The following STX18 variants were observed in gnomAD, a reference collection of about 807,000 sequenced individuals.
STX18 encodes the protein syntaxin-18.
STX18 carries 40 observed loss-of-function variants against 50.1 expected under a neutral mutation model. The ratio of observed to expected loss-of-function variants is 0.80; its 90% CI spans 0.62 to 1.04. The LOEUF is 1.04. STX18 is among the 50% of genes least tolerant of loss of function. STX18 has a pLI of 0.00. For synonymous variants in STX18, 158 were observed against 151.8 expected, an observed-to-expected ratio of 1.04 and a Z score of -0.30; for missense variants, 410 against 415.8, an observed-to-expected ratio of 0.99 and a Z score of 0.12.
intron 1 of STX18, among the ~76,000 whole-genome samples, chr4:4,519,388 C>T (rs142915994): frequency 1.6e-3 from 247 of 152,210 alleles, no homozygotes; most frequent in African/African-American, 5.4e-3. Context: ...ATCAATCTAT[C>T]TAAAGCTACT....
At chr4:4,517,779 TTTA>T (rs1467690830) in intron 1 of STX18, among the ~76,000 whole-genome samples, 1 of 150,950 alleles carries the variant, frequency 6.6e-6, no homozygotes, top group Admixed American at 6.6e-5. Flanking sequence ...TTTTTTTTTC[TTTA>T]TTTTTTTTTT....
chr4:4,446,754 C>G (rs955038417), intron 5 of STX18, among the ~76,000 whole-genome samples: 4 of 131,746 alleles, frequency 3.0e-5, no homozygotes, highest in Admixed American at 2.9e-4. Flanking sequence ...CTTACTAAGT[C>G]TAAGAAACAT....
At chr4:4,530,371 T>A (rs1000030408) in intron 1 of STX18, among the ~76,000 whole-genome samples, 4 of 150,768 alleles carry the variant, frequency 2.7e-5, no homozygotes, top group African/African-American at 9.7e-5. Context: ...CATAATAATA[T>A]AAGCATATAT....
chr4:4,515,814 T>C (rs1376700070), intron 1 of STX18, among the ~76,000 whole-genome samples: 4 of 152,170 alleles, frequency 2.6e-5, no homozygotes, highest in Admixed American at 2.0e-4. Context: ...AAAAAAATAC[T>C]ACTCACTGGT....
chr4:4,507,654 G>A (rs994670759), intron 1 of STX18: 19 of 780,510 alleles, frequency 2.4e-5, no homozygotes, highest in African/African-American at 1.5e-4. Context: ...GATGGCAGCC[G>A]GCTCATAAAG....
At chr4:4,487,605 G>C (rs1015672615) in intron 1 of STX18, among the ~76,000 whole-genome samples, 1 of 152,162 alleles carries the variant, frequency 6.6e-6, no homozygotes, top group African/African-American at 2.4e-5. Context: ...ATAAAACTCA[G>C]TGAAGAACGA....
At position 4,507,239 on chromosome 4, in the gene STX18, A is replaced by G. The variant is rs1219584704; in HGVS notation, c.168+34558T>C. The stretch of plus-strand genomic sequence containing the variant: ...GCAATTATGAGGGTAAACAACCCAT[A>G]CTTTACAGTGTACTATAAAGAGTCC... On this transcript the variant is annotated intron_variant, in intron 1 of 10. Coordinates refer to ENST00000306200, the MANE Select transcript of STX18 (RefSeq NM_016930.4). The G allele has an allele frequency of 4.1e-5, 27 of 657,422 alleles. No homozygotes were observed. The East Asian group carries it at 5.6e-4, about 14-fold the overall frequency. 40.7% of individuals were successfully genotyped at this position (657,422 alleles called of 1,614,324 possible).
chr4:4,439,334 C>A (rs1256197764), intron 5 of STX18, among the ~76,000 whole-genome samples: 1 of 149,472 alleles, frequency 6.7e-6, no homozygotes, highest in African/African-American at 2.5e-5. Flanking sequence ...TATATACACA[C>A]CCACATACAT....
intron 1 of STX18, among the ~76,000 whole-genome samples, chr4:4,489,782 G>A (rs567205335): frequency 2.3e-4 from 35 of 152,178 alleles, no homozygotes; most frequent in African/African-American, 6.5e-4. Flanking sequence ...AAAAAAATGT[G>A]TGAAAACTAC....
intron 1 of STX18, among the ~76,000 whole-genome samples, chr4:4,511,712 TAGTGTGTGTG>T (rs1290651475): frequency 1.3e-4 from 13 of 99,764 alleles, no homozygotes; most frequent in African/African-American, 4.7e-4. Flanking sequence ...CACTCATGAT[TAGTGTGTGTG>T]TGTGTGTGTG....
At chr4:4,506,129 G>A (rs1490792426) in intron 1 of STX18, among the ~76,000 whole-genome samples, 2 of 152,118 alleles carry the variant, frequency 1.3e-5, no homozygotes, top group Non-Finnish European at 2.9e-5. Flanking sequence ...ATGAACATTT[G>A]TGTACAGGCA....
At chr4:4,501,276 A>G (rs1729445276) in intron 1 of STX18, among the ~76,000 whole-genome samples, 1 of 152,224 alleles carries the variant, frequency 6.6e-6, no homozygotes, top group Non-Finnish European at 1.5e-5. Flanking sequence ...TTTCTAAAAT[A>G]TAGCCACATT....
intron 1 of STX18, among the ~76,000 whole-genome samples, chr4:4,527,001 CCTTCT>C (rs1322036589): frequency 2.0e-5 from 3 of 152,166 alleles, no homozygotes; most frequent in East Asian, 1.9e-4. Context: ...TCTTTTTCTT[CCTTCT>C]CTTAATTTAA....
intron 2 of STX18, among the ~76,000 whole-genome samples, chr4:4,464,828 A>G (rs1390514017): frequency 6.6e-6 from 1 of 151,102 alleles, no homozygotes; most frequent in East Asian, 1.9e-4. Context: ...CTAACAGTCT[A>G]TCTCATTAAT....
At chr4:4,528,789 A>G (rs1280046299) in intron 1 of STX18, among the ~76,000 whole-genome samples, 1 of 152,210 alleles carries the variant, frequency 6.6e-6, no homozygotes, top group Non-Finnish European at 1.5e-5. Flanking sequence ...CCCACAGACA[A>G]TGGCTGGCCA....
intron 1 of STX18, chr4:4,499,454 TA>T (rs1729336022): frequency 1.0e-6 from 1 of 981,302 alleles, no homozygotes; most frequent in Non-Finnish European, 1.2e-6. Context: ...TGGAAAAACT[TA>T]CCTTTTAGAA....
intron 6 of STX18, among the ~76,000 whole-genome samples, chr4:4,435,439 T>G (rs1021395930): frequency 2.6e-5 from 4 of 152,220 alleles, no homozygotes; most frequent in Admixed American, 1.3e-4. Flanking sequence ...ATTCAAGTAA[T>G]ACACAGTTTT....
intron 1 of STX18, among the ~76,000 whole-genome samples, chr4:4,523,346 T>C (rs1051206820): frequency 2.0e-5 from 3 of 152,082 alleles, no homozygotes; most frequent in Non-Finnish European, 2.9e-5. Context: ...AAATTCCCCT[T>C]GGGTGATCCC....
intron 1 of STX18, among the ~76,000 whole-genome samples, chr4:4,500,940 A>G (rs1365687614): frequency 6.6e-6 from 1 of 152,128 alleles, no homozygotes; most frequent in Non-Finnish European, 1.5e-5. Flanking sequence ...GGGAGGCTGA[A>G]GCAGGAGAAT....
Sources: gnomAD v4.1 joint callset for allele counts (sites outside exome capture counted in the v4.1 genomes callset) on GRCh38, gnomAD v4.1.1 for gene constraint, MANE v1.5 for transcripts, NCBI Gene and HGNC (gene_info 2026-07-23, HGNC 2026-07-21) for gene names.